The following TMEM132B variants were observed in gnomAD, a reference collection of about 807,000 sequenced individuals.
TMEM132B encodes transmembrane protein 132B.
A neutral mutation model predicts 90.8 loss-of-function variants in TMEM132B; 18 were observed. The observed-to-expected ratio is 0.20, with a 90% CI of 0.14 to 0.29. The LOEUF is 0.29. Ranked by LOEUF, TMEM132B falls within the 10% of genes least tolerant of loss-of-function variation. TMEM132B has a pLI of 1.00. For missense variants in TMEM132B, 1,096 were observed against 1,326.8 expected, an observed-to-expected ratio of 0.83 and a Z score of 2.70; for synonymous variants, 504 against 523.3, an observed-to-expected ratio of 0.96 and a Z score of 0.50.
intron 5 of TMEM132B, among the ~76,000 whole-genome samples, chr12:125,590,650 G>A (rs1593009485): frequency 6.6e-6 from 1 of 152,166 alleles, no homozygotes; most frequent in South Asian, 2.1e-4. Flanking sequence ...TATATAAACA[G>A]CTTTGGGAGA....
At chr12:125,522,407 A>G (rs1332813853) in intron 4 of TMEM132B, among the ~76,000 whole-genome samples, 1 of 152,222 alleles carries the variant, frequency 6.6e-6, no homozygotes, top group Non-Finnish European at 1.5e-5. Context: ...AGAACTCTAA[A>G]GAGTATAGGA....
chr12:125,528,085 C>T (rs560620095), intron 4 of TMEM132B, among the ~76,000 whole-genome samples: 4 of 151,918 alleles, frequency 2.6e-5, no homozygotes, highest in African/African-American at 4.8e-5. Context: ...ACATCTGTAT[C>T]GTCTTTTTGC....
intron 1 of TMEM132B, among the ~76,000 whole-genome samples, chr12:125,223,886 C>T (rs1052995717): frequency 6.6e-6 from 1 of 152,086 alleles, no homozygotes; most frequent in Admixed American, 6.5e-5. Context: ...AAGTGATTCT[C>T]CTGCCTCAGC....
At chr12:125,566,110 T>C (rs1292193022) in intron 4 of TMEM132B, among the ~76,000 whole-genome samples, 6 of 152,248 alleles carry the variant, frequency 3.9e-5, no homozygotes, top group Non-Finnish European at 8.8e-5. Flanking sequence ...TTACCAGTTC[T>C]GCACCATGAG....
At chr12:125,479,156 C>T (rs929536776) in intron 3 of TMEM132B, among the ~76,000 whole-genome samples, 10 of 152,224 alleles carry the variant, frequency 6.6e-5, no homozygotes, top group Non-Finnish European at 1.3e-4. Flanking sequence ...ACTGCAAGAA[C>T]ATGCCAAATT....
intron 3 of TMEM132B, among the ~76,000 whole-genome samples, chr12:125,428,718 G>C (rs1308384949): frequency 2.0e-5 from 3 of 152,264 alleles, no homozygotes; most frequent in South Asian, 4.1e-4. Context: ...CCCAGTTATT[G>C]TTCTCTTTTT....
intron 2 of TMEM132B, among the ~76,000 whole-genome samples, chr12:125,371,313 T>A (rs1003291044): frequency 4.6e-5 from 7 of 152,176 alleles, no homozygotes; most frequent in African/African-American, 1.7e-4. Context: ...AACACCCAGA[T>A]AGATGCAGAG....
At chr12:125,436,903 C>T (rs555560154) in intron 3 of TMEM132B, among the ~76,000 whole-genome samples, 7 of 152,302 alleles carry the variant, frequency 4.6e-5, no homozygotes, top group African/African-American at 7.2e-5. Flanking sequence ...CCCCAGAATA[C>T]GCAAGTCCCT....
chr12:125,641,210 G>A (rs1218419696), intron 5 of TMEM132B, among the ~76,000 whole-genome samples: 3 of 152,296 alleles, frequency 2.0e-5, no homozygotes, highest in Admixed American at 6.5e-5. Flanking sequence ...CTGGGGATGC[G>A]TGCATGGCAG....
At chr12:125,542,811 CT>C (rs1883989515) in intron 4 of TMEM132B, among the ~76,000 whole-genome samples, 2 of 152,340 alleles carry the variant, frequency 1.3e-5, no homozygotes, top group South Asian at 4.1e-4. Flanking sequence ...GTTCAAATAT[CT>C]CTTCGAAGCC....
chr12:125,397,122 C>T (rs1291781700), intron 2 of TMEM132B, among the ~76,000 whole-genome samples: 1 of 152,054 alleles, frequency 6.6e-6, no homozygotes, highest in African/African-American at 2.4e-5. Context: ...CAGGCACCCA[C>T]CACCAGGCCC....
intron 5 of TMEM132B, among the ~76,000 whole-genome samples, chr12:125,615,296 T>C (rs139412627): frequency 1.4e-4 from 21 of 152,210 alleles, no homozygotes; most frequent in Non-Finnish European, 1.5e-5. Flanking sequence ...AGAATTCTCA[T>C]CATTCCTTTA....
intron 4 of TMEM132B, among the ~76,000 whole-genome samples, chr12:125,555,319 G>A (rs1884346161): frequency 6.6e-6 from 1 of 151,868 alleles, no homozygotes. Context: ...CCTCATTGAA[G>A]TTAATATAAA....
At chr12:125,278,479 T>TTC (rs1312164947) in intron 1 of TMEM132B, among the ~76,000 whole-genome samples, 8 of 127,038 alleles carry the variant, frequency 6.3e-5, no homozygotes, top group Non-Finnish European at 9.4e-5. Context: ...ATCTCCATCT[T>TTC]TTTTTTTTTT....
chr12:125,532,240 T>C (rs1883664893), intron 4 of TMEM132B, among the ~76,000 whole-genome samples: 1 of 152,088 alleles, frequency 6.6e-6, no homozygotes, highest in Non-Finnish European at 1.5e-5. Flanking sequence ...AAGAAATGGG[T>C]GGTTGTCAGT....
Position 125,455,539 on chromosome 12 carries a change from A to T in TMEM132B, c.1106+39862A>T, listed in dbSNP as rs181944038. On this transcript the variant is annotated intron_variant, in intron 3 of 8. Coordinates refer to ENST00000682704, the MANE Select transcript of TMEM132B (RefSeq NM_001366854.1). Reference sequence around the variant, plus strand: ...TAGTAAGAGAAAGGAACTGTGTGTGATTTGTGTGATTTTGGTGGGGGCAGT... The same window carrying T: ...TAGTAAGAGAAAGGAACTGTGTGTGTTTTGTGTGATTTTGGTGGGGGCAGT... Among the ~76,000 whole-genome samples, 37 of 152,202 alleles carry T rather than the reference A, an allele frequency of 2.4e-4. 1 individual carries two copies. Among genetic ancestry groups the T allele is most frequent in the East Asian group, 1.7e-3 (9 of 5,186 alleles).
At chr12:125,196,607 G>T (rs1222908285) in intron 1 of TMEM132B, among the ~76,000 whole-genome samples, 3 of 152,216 alleles carry the variant, frequency 2.0e-5, no homozygotes, top group Admixed American at 1.3e-4. Context: ...TACTCAGGAG[G>T]CTGAGGCAGG....
At chr12:125,483,006 A>C (rs925011408) in intron 3 of TMEM132B, among the ~76,000 whole-genome samples, 1 of 151,964 alleles carries the variant, frequency 6.6e-6, no homozygotes, top group Non-Finnish European at 1.5e-5. Context: ...CAGAAAACCA[A>C]ACACCGCATG....
intron 3 of TMEM132B, among the ~76,000 whole-genome samples, chr12:125,451,851 A>T (rs769368407): frequency 6.6e-6 from 1 of 152,244 alleles, no homozygotes; most frequent in Non-Finnish European, 1.5e-5. Flanking sequence ...ATTCCAGGAT[A>T]TCAGGAAAAA....
Sources: allele counts gnomAD v4.1 joint callset (sites outside exome capture counted in the v4.1 genomes callset), GRCh38; gene constraint gnomAD v4.1.1; transcripts MANE v1.5; gene names NCBI Gene and HGNC (gene_info 2026-07-23, HGNC 2026-07-21).